PTPRG: variants seen among roughly 807,000 people sequenced by gnomAD.
PTPRG encodes the protein protein tyrosine phosphatase receptor type G.
PTPRG carries 102 observed loss-of-function variants against 165.3 expected under a neutral mutation model. The observed-to-expected ratio is 0.62, with a 90% CI of 0.53 to 0.73. PTPRG has a LOEUF of 0.73. Ranked by LOEUF, PTPRG falls within the 30% of genes least tolerant of loss-of-function variation. The pLI, the probability that PTPRG is intolerant of heterozygous loss-of-function variation, is 0.00. For missense variants in PTPRG, 1,866 were observed against 1,861.4 expected, an observed-to-expected ratio of 1.00 and a Z score of -0.05; for synonymous variants, 675 against 669.5, an observed-to-expected ratio of 1.01 and a Z score of -0.13.
chr3:62,078,260 T>TAAGTTA lies in PTPRG; in HGVS notation c.615+4_615+9dup, dbSNP rs1334423753. On this transcript the variant is annotated splice_region_variant and intron_variant, in intron 5 of 29. Coordinates refer to ENST00000474889, the MANE Select transcript of PTPRG (RefSeq NM_002841.4). ...GGAGCCATGGCCATATTTTTTCAAG[T>TAAGTTA]AAGTTAACAGTGGCTGAAGTACTTC... 1 of 1,579,708 alleles carries TAAGTTA rather than the reference T, an allele frequency of 6.3e-7. No individual in the cohort carries two copies. Among genetic ancestry groups the TAAGTTA allele is most frequent in the Non-Finnish European group, 8.6e-7 (1 of 1,158,166 alleles).
intron 4 of PTPRG, among the ~76,000 whole-genome samples, chr3:62,008,678 T>C (rs114277146): frequency 0.066 from 10,010 of 152,282 alleles, 559 homozygotes; most frequent in African/African-American, 0.15. Context: ...AGTTTTTCCG[T>C]GGACTGGGTG....
At chr3:62,030,270 CT>C (rs1240925372) in intron 4 of PTPRG, among the ~76,000 whole-genome samples, 1 of 151,638 alleles carries the variant, frequency 6.6e-6, no homozygotes, top group African/African-American at 2.4e-5. Flanking sequence ...ATTACTCCCC[CT>C]CTCACCCAAA....
At chr3:61,837,724 G>T (rs1218594700) in intron 2 of PTPRG, among the ~76,000 whole-genome samples, 1 of 152,202 alleles carries the variant, frequency 6.6e-6, no homozygotes, top group African/African-American at 2.4e-5. Context: ...TTGAAAATAA[G>T]TGAAGACATT....
intron 2 of PTPRG, among the ~76,000 whole-genome samples, chr3:61,792,227 G>T (rs887177631): frequency 6.6e-6 from 1 of 152,004 alleles, no homozygotes; most frequent in Non-Finnish European, 1.5e-5. Flanking sequence ...GGAAGGACCA[G>T]TTCTTATTCT....
At chr3:61,828,975 A>C (rs2036191665) in intron 2 of PTPRG, among the ~76,000 whole-genome samples, 2 of 152,192 alleles carry the variant, frequency 1.3e-5, no homozygotes. Flanking sequence ...TTTCTCCAAT[A>C]TTTAAAGTGT....
At chr3:61,831,123 A>G (rs994409605) in intron 2 of PTPRG, among the ~76,000 whole-genome samples, 5 of 152,224 alleles carry the variant, frequency 3.3e-5, no homozygotes, top group African/African-American at 9.6e-5. Context: ...TGATCCATCT[A>G]TTTAATCTCA....
chr3:62,151,862 C>A (rs995481257), intron 6 of PTPRG, among the ~76,000 whole-genome samples: 1 of 152,060 alleles, frequency 6.6e-6, no homozygotes, highest in Non-Finnish European at 1.5e-5. Context: ...AAGCGCTCTC[C>A]TAAGCTCTCA....
At chr3:62,027,201 G>C (rs79435363) in intron 4 of PTPRG, among the ~76,000 whole-genome samples, 3,829 of 152,152 alleles carry the variant, frequency 0.025, 68 homozygotes, top group East Asian at 0.073. Context: ...TTCTGCAAAT[G>C]ATTTAAAAAT....
intron 2 of PTPRG, among the ~76,000 whole-genome samples, chr3:61,875,593 G>A (rs952438774): frequency 2.0e-5 from 3 of 152,128 alleles, no homozygotes; most frequent in African/African-American, 7.2e-5. Context: ...CTATCAGATG[G>A]AGGGCTGTCT....
chr3:61,680,710 C>G (rs995282163), intron 1 of PTPRG, among the ~76,000 whole-genome samples: 4 of 150,700 alleles, frequency 2.7e-5, no homozygotes, highest in African/African-American at 9.7e-5. Flanking sequence ...GGTGAGCAAA[C>G]TTTTCCTAGA....
At chr3:61,566,727 G>A (rs1199086353) in intron 1 of PTPRG, among the ~76,000 whole-genome samples, 1 of 152,192 alleles carries the variant, frequency 6.6e-6, no homozygotes, top group African/African-American at 2.4e-5. Context: ...GGGTGGTCTT[G>A]AACTCCTGAC....
intron 3 of PTPRG, among the ~76,000 whole-genome samples, chr3:62,001,635 A>G (rs1444457623): frequency 6.6e-6 from 1 of 151,642 alleles, no homozygotes; most frequent in Non-Finnish European, 1.5e-5. Context: ...GATTTTAGAT[A>G]TTATCTTCTA....
At chr3:61,962,465 G>A (rs1458493575) in intron 2 of PTPRG, among the ~76,000 whole-genome samples, 2 of 152,094 alleles carry the variant, frequency 1.3e-5, no homozygotes, top group South Asian at 2.1e-4. Flanking sequence ...ATAACCTATG[G>A]CAAAGTGAAA....
chr3:61,874,959 C>G (rs2037693257), intron 2 of PTPRG, among the ~76,000 whole-genome samples: 1 of 152,168 alleles, frequency 6.6e-6, no homozygotes, highest in Non-Finnish European at 1.5e-5. Flanking sequence ...AGAAGCAAAC[C>G]TGTTAAGTCC....
At chr3:61,596,326 TGTGA>T (rs1457952528) in intron 1 of PTPRG, among the ~76,000 whole-genome samples, 2 of 152,228 alleles carry the variant, frequency 1.3e-5, no homozygotes, top group African/African-American at 4.8e-5. Context: ...ACTTTTACTG[TGTGA>T]GTATGAGACA....
chr3:62,245,920 C>T lies in PTPRG; in HGVS notation c.2467+2022C>T, dbSNP rs891839840. On this transcript the variant is annotated intron_variant, in intron 15 of 29. Coordinates refer to ENST00000474889, the MANE Select transcript of PTPRG (RefSeq NM_002841.4). This position sits in a 1 kb window ranked among gnomAD's most constrained non-coding sequence, Gnocchi z 4.2. ...TTAGAACTTTCAATTCACTAGGATC[C>T]TCTGAATATGCCTTGCAACACCTTT... Among the ~76,000 whole-genome samples the T allele has an allele frequency of 2.0e-5, 3 of 152,078 alleles. No individual in the cohort carries two copies. Among genetic ancestry groups the T allele is most frequent in the African/African-American group, 4.8e-5 (2 of 41,416 alleles).
rs1174187395 is a variant in PTPRG at position 61,589,296 on chromosome 3, A to G, written c.85+26924A>G. Among the ~76,000 whole-genome samples the G allele has an allele frequency of 2.0e-5, 3 of 152,184 alleles. No individual in the cohort carries two copies. The East Asian group carries it at 5.8e-4, about 29-fold the overall frequency. The stretch of plus-strand genomic sequence containing the variant: ...ATTTATTATATGGCCTGTTACAGAA[A>G]AAGGCTGCCAACTCTTACTCTAATA... On this transcript the variant is annotated intron_variant, in intron 1 of 29. Transcript: ENST00000474889.
chr3:61,717,584 G>C (rs1237802384), intron 1 of PTPRG, among the ~76,000 whole-genome samples: 1 of 151,812 alleles, frequency 6.6e-6, no homozygotes, highest in African/African-American at 2.4e-5. Flanking sequence ...TCAAGAGATC[G>C]AGACCATCCT....
At chr3:61,872,619 T>TC (rs2037615372) in intron 2 of PTPRG, among the ~76,000 whole-genome samples, 1 of 152,198 alleles carries the variant, frequency 6.6e-6, no homozygotes. Flanking sequence ...ATTTTTTTTT[T>TC]CATGACCATT....
Sources: gnomAD v4.1 joint callset for allele counts (sites outside exome capture counted in the v4.1 genomes callset) on GRCh38, gnomAD v4.1.1 for gene constraint, Gnocchi (gnomAD v3.1) non-coding constraint, MANE v1.5 for transcripts, NCBI Gene and HGNC (gene_info 2026-07-23, HGNC 2026-07-21) for gene names.